The following CHRNA1 variants were observed in gnomAD, a reference collection of about 807,000 sequenced individuals.
The protein encoded by CHRNA1 is acetylcholine receptor subunit alpha.
A neutral mutation model predicts 47.1 loss-of-function variants in CHRNA1; 35 were observed. The ratio of observed to expected loss-of-function variants is 0.74; its 90% CI spans 0.57 to 0.99. The LOEUF is 0.99. Ranked by LOEUF, CHRNA1 falls within the 50% of genes least tolerant of loss-of-function variation. The probability of loss-of-function intolerance (pLI) is 0.00; values close to 1 mark genes in which losing one functional copy is unlikely to be tolerated. For synonymous variants in CHRNA1, 229 were observed against 223.6 expected (o/e 1.02, Z -0.22); for missense variants, 506 against 591.1 (o/e 0.86, Z 1.49).
Position 174,759,468 on chromosome 2 carries a change from C to T in CHRNA1, c.189+20G>A. The T allele has an allele frequency of 1.2e-6, 2 of 1,614,050 alleles. No homozygotes were observed. Among genetic ancestry groups the T allele is most frequent in the African/African-American group, 2.7e-5 (2 of 74,988 alleles). ...GAGAGGTGTGGGTGTGTGGGCAGGC[C>T]CCCAGTGCTCTTGTCTCACCACATT... is the stretch of plus-strand genomic sequence containing the variant. On this transcript the variant is annotated intron_variant, in intron 2 of 8. Transcript: ENST00000348749.
At chr2:174,760,007 T>C (rs1273010758) in intron 1 of CHRNA1, among the ~76,000 whole-genome samples, 1 of 151,980 alleles carries the variant, frequency 6.6e-6, no homozygotes, top group Non-Finnish European at 1.5e-5. Context: ...CAGAGCAGTG[T>C]AATGAAATCT....
At chr2:174,762,730 C>T (rs1186551794) in intron 1 of CHRNA1, among the ~76,000 whole-genome samples, 1 of 152,196 alleles carries the variant, frequency 6.6e-6, no homozygotes, top group African/African-American at 2.4e-5. Context: ...GTTAAGCTAA[C>T]ACAGGAAAAG....
intron 3 of CHRNA1, 72 bp from the exon 4 acceptor site, chr2:174,757,747 T>A: frequency 7.6e-7 from 1 of 1,319,370 alleles, no homozygotes; most frequent in Non-Finnish European, 1.1e-6. Context: ...TCAAGAGCCC[T>A]GATGTGCATG....
intron 7 of CHRNA1, 34 bp from the exon 8 acceptor site, chr2:174,748,853 A>G: frequency 6.2e-7 from 1 of 1,604,468 alleles, no homozygotes; most frequent in Middle Eastern, 1.8e-4. Flanking sequence ...CATGAGAATT[A>G]TTGTCCAGGA....
intron 1 of CHRNA1, among the ~76,000 whole-genome samples, chr2:174,760,058 A>C (rs549598083): frequency 1.3e-5 from 2 of 152,340 alleles, no homozygotes; most frequent in East Asian, 3.9e-4. Flanking sequence ...ATGAACAGCC[A>C]AAATTGATGC....
chr2:174,747,992 TATC>T lies in CHRNA1; in HGVS notation c.*129_*131del, dbSNP rs1397218581. 8.5e-6 allele frequency: 10 copies of T among 1,179,310 alleles called. No individual in the cohort carries two copies. The highest frequency in any genetic ancestry group is 2.0e-5 in the Admixed American group (1 of 50,868). The allele number at this position is 1,179,310 out of a possible 1,614,324, so 73.1% of individuals were successfully genotyped here. A position where few individuals can be genotyped will look rare whatever the true frequency, so the allele number is the denominator to read the frequency against. ...CATAAACTTACATAAAGGTAAATCTTATCATCAATAATAAGTATGGAATATAAC... is the reference window on the plus strand; with the variant it reads ...CATAAACTTACATAAAGGTAAATCTTATCAATAATAAGTATGGAATATAAC... On this transcript the variant is annotated 3_prime_UTR_variant, in exon 9 of 9. Coordinates refer to ENST00000348749, the MANE Select transcript of CHRNA1 (RefSeq NM_000079.4).
At chr2:174,752,298 C>T (rs1284810181) in intron 6 of CHRNA1, among the ~76,000 whole-genome samples, 7 of 152,122 alleles carry the variant, frequency 4.6e-5, no homozygotes, top group Non-Finnish European at 2.9e-5. Flanking sequence ...AGGGCAGGCA[C>T]AGTGGCTCAC....
At chr2:174,749,501 C>T (rs1683803435) in intron 7 of CHRNA1, among the ~76,000 whole-genome samples, 2 of 152,206 alleles carry the variant, frequency 1.3e-5, no homozygotes, top group Admixed American at 6.5e-5. Context: ...TTCACTAAAA[C>T]TCACTTTTTG....
In CHRNA1 at chr2:174,749,888, G is replaced by T. The variant is rs115510829; in HGVS notation, c.1002+58C>A. On this transcript the variant is annotated intron_variant, in intron 7 of 8. Coordinates refer to ENST00000348749, the MANE Select transcript of CHRNA1 (RefSeq NM_000079.4). ...TTAGCTAGAAACCCACTGGCTCCTC[G>T]AAGGGGAGGCCTGTAGATGTGCCTC... 56 of 1,458,260 alleles carry T rather than the reference G, an allele frequency of 3.8e-5. No homozygotes were observed. In the South Asian group the frequency reaches 5.5e-4, roughly 14 times the overall value. The allele number at this position is 1,458,260 out of a possible 1,614,324, so 90.3% of individuals were successfully genotyped here.
chr2:174,750,816 A>G (rs186337432), intron 6 of CHRNA1, among the ~76,000 whole-genome samples: 1 of 152,258 alleles, frequency 6.6e-6, no homozygotes, highest in East Asian at 1.9e-4. Context: ...TCTTGGTGGA[A>G]CCCAGGGAAC....
chr2:174,763,517 A>C (rs1023061491), intron 1 of CHRNA1, among the ~76,000 whole-genome samples: 1 of 152,242 alleles, frequency 6.6e-6, no homozygotes, highest in Non-Finnish European at 1.5e-5. Flanking sequence ...ATTGGAAATG[A>C]AAAATCACAG....
At position 174,750,169 on chromosome 2, in the gene CHRNA1, C is replaced by CT. The variant is rs771260711; in HGVS notation, c.779-1_779insA (p.Gly260GlufsTer108). ...AGAGATGCTCAGAGTCATCTTCTCC[C>CT]CTGAAAAGACCAAAAAAAAAAAAAA... is the stretch of plus-strand genomic sequence containing the variant. On this transcript the variant is annotated frameshift_variant and splice_region_variant. Transcript: ENST00000348749. LOFTEE classifies it high-confidence loss of function. The CT allele has an allele frequency of 2.6e-6, 4 of 1,561,692 alleles. No individual in the cohort carries two copies. The East Asian group carries it at 9.3e-5, about 36-fold the overall frequency.
At chr2:174,755,706 T>C (rs1209722759) in intron 4 of CHRNA1, among the ~76,000 whole-genome samples, 2 of 152,106 alleles carry the variant, frequency 1.3e-5, no homozygotes, top group African/African-American at 2.4e-5. Flanking sequence ...GCGTGAGCAT[T>C]GCGCCCAGTG....
intron 1 of CHRNA1, among the ~76,000 whole-genome samples, chr2:174,761,147 C>T (rs1684093348): frequency 6.6e-6 from 1 of 152,164 alleles, no homozygotes; most frequent in South Asian, 2.1e-4. Context: ...ACTGCAAGTG[C>T]CACTATTCCT....
At chr2:174,754,882 C>CTCT (rs768984247) in intron 4 of CHRNA1, among the ~76,000 whole-genome samples, 51 of 120,400 alleles carry the variant, frequency 4.2e-4, no homozygotes, top group African/African-American at 1.8e-3. Flanking sequence ...GCCTACTACT[C>CTCT]TTTTTTTTTT....
intron 6 of CHRNA1, among the ~76,000 whole-genome samples, chr2:174,750,544 A>G (rs113907658): frequency 6.6e-6 from 1 of 152,172 alleles, no homozygotes; most frequent in African/African-American, 2.4e-5. Context: ...CATTTCTGTT[A>G]TCTAAGCCTC....
intron 1 of CHRNA1, among the ~76,000 whole-genome samples, chr2:174,763,444 GA>G (rs1323457809): frequency 1.3e-5 from 2 of 151,956 alleles, no homozygotes; most frequent in Non-Finnish European, 2.9e-5. Flanking sequence ...CTCTGATATT[GA>G]AAAAAATTAA....
Position 174,747,625 on chromosome 2 carries a change from T to A in CHRNA1, c.*499A>T, listed in dbSNP as rs574135903. 716 of 166,468 alleles carry A rather than the reference T, an allele frequency of 4.3e-3. 6 individuals are homozygous for A. Among genetic ancestry groups the A allele is most frequent in the Non-Finnish European group, 4.1e-3 (310 of 76,020 alleles). 10.3% of individuals were successfully genotyped at this position (166,468 alleles called of 1,614,324 possible). A position where few individuals can be genotyped will look rare whatever the true frequency, so the allele number is the denominator to read the frequency against. ...GCAGTTTGCATTTTAGTTTATTTCA[T>A]TTCTACTGCTTCCTCTCTCTCCAAA... On this transcript the variant is annotated 3_prime_UTR_variant, in exon 9 of 9. Coordinates refer to ENST00000348749, the MANE Select transcript of CHRNA1 (RefSeq NM_000079.4).
chr2:174,761,469 C>T (rs968930995), intron 1 of CHRNA1, among the ~76,000 whole-genome samples: 1 of 152,076 alleles, frequency 6.6e-6, no homozygotes, highest in African/African-American at 2.4e-5. Flanking sequence ...TGCGCACCAC[C>T]ACACCCAGCT....
Sources: allele counts gnomAD v4.1 joint callset (sites outside exome capture counted in the v4.1 genomes callset), GRCh38; gene constraint gnomAD v4.1.1; transcripts MANE v1.5; gene names NCBI Gene and HGNC (gene_info 2026-07-23, HGNC 2026-07-21).